The following BRD7 variants were observed in gnomAD, a reference collection of about 807,000 sequenced individuals.
The protein encoded by BRD7 is bromodomain containing 7, also known as bromodomain-containing protein 7.
Under a neutral mutation model 82.1 loss-of-function variants are expected in BRD7, and 15 were observed. The observed-to-expected ratio is 0.18, with a 90% confidence interval of 0.12 to 0.28. The LOEUF (loss-of-function observed/expected upper bound fraction) is 0.28, where lower values mean the gene tolerates loss of function less well. Among genes scored for constraint, BRD7 ranks in the 10% least tolerant of loss-of-function variants. The pLI, the probability that BRD7 is intolerant of heterozygous loss-of-function variation, is 1.00. For missense variants in BRD7, 638 were observed against 779.9 expected (o/e 0.82, Z 2.17); for synonymous variants, 232 against 266.9 (o/e 0.87, Z 1.27).
intron 2 of BRD7, among the ~76,000 whole-genome samples, chr16:50,366,118 AAAT>A (rs2151216586): frequency 6.6e-6 from 1 of 152,388 alleles, no homozygotes; most frequent in East Asian, 1.9e-4. Context: ...GTCTGAAAGA[AAAT>A]AATTTTCAAT....
At chr16:50,325,563 A>G (rs1376077843) in intron 11 of BRD7, among the ~76,000 whole-genome samples, 185 bp downstream of exon 11, 1 of 152,178 alleles carries the variant, frequency 6.6e-6, no homozygotes. Flanking sequence ...ACTATCAGGG[A>G]GACATGCTCT....
intron 5 of BRD7, among the ~76,000 whole-genome samples, chr16:50,345,918 C>T (rs2038264935): frequency 6.6e-6 from 1 of 152,152 alleles, no homozygotes; most frequent in African/African-American, 2.4e-5. Context: ...ACCAAGCAGA[C>T]CTAATAGACA....
chr16:50,347,070 G>A (rs1306391806), intron 5 of BRD7, among the ~76,000 whole-genome samples: 2 of 152,204 alleles, frequency 1.3e-5, no homozygotes, highest in African/African-American at 4.8e-5. Flanking sequence ...CCACGATCAA[G>A]TTGGCTTCAT....
chr16:50,348,016 C>T (rs1412072765), intron 5 of BRD7, among the ~76,000 whole-genome samples: 5 of 152,210 alleles, frequency 3.3e-5, no homozygotes, highest in Non-Finnish European at 7.3e-5. Context: ...AACTATACTA[C>T]AAGACTACAG....
chr16:50,368,782 C>G lies in BRD7; in HGVS notation c.-8G>C, dbSNP rs1158807356. 6.5e-7 allele frequency: 1 copy of G among 1,527,914 alleles called. No homozygotes were observed. Among genetic ancestry groups the G allele is most frequent in the African/African-American group, 1.4e-5 (1 of 69,204 alleles). 94.6% of individuals were successfully genotyped at this position (1,527,914 alleles called of 1,614,324 possible). A position where few individuals can be genotyped will look rare whatever the true frequency, so the allele number is the denominator to read the frequency against. ...CTTGTGCTTCTTGCCCATGTCCGACCGGGCCCCGGTGCCCGCCCCCCGCGC... is the reference window on the plus strand; with the variant it reads ...CTTGTGCTTCTTGCCCATGTCCGACGGGGCCCCGGTGCCCGCCCCCCGCGC... On this transcript the variant is annotated 5_prime_UTR_variant, in exon 1 of 17. Coordinates refer to ENST00000394688, the MANE Select transcript of BRD7 (RefSeq NM_013263.5).
intron 12 of BRD7, among the ~76,000 whole-genome samples, chr16:50,322,777 TG>T (rs900635884): frequency 6.6e-6 from 1 of 152,144 alleles, no homozygotes; most frequent in African/African-American, 2.4e-5. Flanking sequence ...GATGAGGATA[TG>T]GTAAAAAAAT....
rs1227938878 is a variant in BRD7 at position 50,316,201 on chromosome 16, C to T, written c.*3010G>A. On this transcript the variant is annotated 3_prime_UTR_variant, in exon 17 of 17. Coordinates refer to ENST00000394688, the MANE Select transcript of BRD7 (RefSeq NM_013263.5). ...TCCAGTGTATGCTCTGCCTTTTTAA[C>T]CACTGACATGTAAGGAGGACTACTG... is the stretch of plus-strand genomic sequence containing the variant. 1 of 152,436 alleles carries T rather than the reference C, an allele frequency of 6.6e-6. No individual in the cohort carries two copies. The highest frequency in any genetic ancestry group is 2.4e-5 in the African/African-American group (1 of 41,430). 9.4% of individuals were successfully genotyped at this position (152,436 alleles called of 1,614,324 possible).
At chr16:50,321,019 A>C (rs2037076776) in intron 13 of BRD7, among the ~76,000 whole-genome samples, 1 of 152,238 alleles carries the variant, frequency 6.6e-6, no homozygotes, top group Non-Finnish European at 1.5e-5. Flanking sequence ...GATGTATCTT[A>C]TACAATTTAT....
chr16:50,333,776 G>A, intron 7 of BRD7, 79 bp from the exon 8 acceptor site: 1 of 1,216,864 alleles, frequency 8.2e-7, no homozygotes, highest in Non-Finnish European at 1.2e-6. Context: ...TTCTAAATAT[G>A]AATACAACTA....
At chr16:50,335,250 T>C (rs1161860225) in intron 6 of BRD7, among the ~76,000 whole-genome samples, 2 of 152,220 alleles carry the variant, frequency 1.3e-5, no homozygotes, top group Non-Finnish European at 2.9e-5. Flanking sequence ...CAGACAGGCT[T>C]ATCTTTTGAC....
intron 1 of BRD7, 25 bp downstream of exon 1, chr16:50,368,701 G>T: frequency 6.5e-7 from 1 of 1,545,012 alleles, no homozygotes; most frequent in Non-Finnish European, 8.7e-7. Flanking sequence ...AGGGCCCGCC[G>T]CCCGCACCCC....
In BRD7 at chr16:50,354,812, G is replaced by A. The variant is rs780061087; in HGVS notation, c.369C>T (p.Ser123=). The A allele has an allele frequency of 1.9e-6, 3 of 1,611,942 alleles. No homozygotes were observed. The highest frequency in any genetic ancestry group is 2.2e-5 in the East Asian group (1 of 44,828). ...TCCAACCTTCTTGTTTGGCTAAAGAGCTTGTGAGAGGCTTCTCAGGAGGCA... is the reference window on the plus strand; with the variant it reads ...TCCAACCTTCTTGTTTGGCTAAAGAACTTGTGAGAGGCTTCTCAGGAGGCA... The part of the protein sequence containing the change: ...LDLPPEKPLT[S]SLAKQEEVEQ... The change falls in exon 3 of 17, where the codon AGC becomes AGT. Residue 123 remains serine, a synonymous_variant. Transcript: ENST00000394688.
chr16:50,365,741 G>C (rs2039117557), intron 2 of BRD7, among the ~76,000 whole-genome samples: 1 of 152,020 alleles, frequency 6.6e-6, no homozygotes, highest in Non-Finnish European at 1.5e-5. Context: ...GAAATTTTAG[G>C]GATGTTCCCT....
At chr16:50,356,085 G>T (rs575309355) in intron 2 of BRD7, among the ~76,000 whole-genome samples, 1 of 152,280 alleles carries the variant, frequency 6.6e-6, no homozygotes, top group African/African-American at 2.4e-5. Context: ...CTAGAACTTG[G>T]GTAATTATAG....
intron 4 of BRD7, among the ~76,000 whole-genome samples, chr16:50,351,430 G>A (rs937425705): frequency 1.3e-5 from 2 of 152,200 alleles, no homozygotes; most frequent in African/African-American, 4.8e-5. Context: ...GTCCACAGGA[G>A]TTACCGTAAC....
intron 5 of BRD7, among the ~76,000 whole-genome samples, chr16:50,347,831 G>C (rs941674494): frequency 6.6e-5 from 10 of 152,138 alleles, no homozygotes; most frequent in Non-Finnish European, 1.0e-4. Flanking sequence ...AATGGCCATA[G>C]TGCCCAAGGT....
chr16:50,320,136 C>G, intron 15 of BRD7, 106 bp from the exon 16 acceptor site: 1 of 1,515,144 alleles, frequency 6.6e-7, no homozygotes, highest in Non-Finnish European at 8.8e-7. Flanking sequence ...AACAAAAAAA[C>G]TGTCCCTGGG....
chr16:50,352,693 C>T (rs1597083369), intron 4 of BRD7, among the ~76,000 whole-genome samples: 2 of 146,786 alleles, frequency 1.4e-5, no homozygotes, highest in South Asian at 4.4e-4. Flanking sequence ...CACATTCTTG[C>T]CAGCTTTGTT....
At chr16:50,321,336 G>C (rs144212641) in intron 13 of BRD7, among the ~76,000 whole-genome samples, 10 of 152,154 alleles carry the variant, frequency 6.6e-5, no homozygotes, top group Admixed American at 4.6e-4. Flanking sequence ...CGAGGTGGGC[G>C]GATCACCTGA....
Sources: gnomAD v4.1 joint callset for allele counts (sites outside exome capture counted in the v4.1 genomes callset) on GRCh38, gnomAD v4.1.1 for gene constraint, MANE v1.5 for transcripts, NCBI Gene and HGNC (gene_info 2026-07-23, HGNC 2026-07-21) for gene names.